Variants in DGKB observed in about 807,000 individuals in gnomAD.
DGKB encodes 90 kDa diacylglycerol kinase.
DGKB carries 67 observed loss-of-function variants against 114.3 expected under a neutral mutation model. The observed-to-expected ratio is 0.59, with a 90% CI of 0.48 to 0.72. DGKB has a LOEUF of 0.72. DGKB is among the 30% of genes least tolerant of loss of function. The pLI, the probability that DGKB is intolerant of heterozygous loss-of-function variation, is 0.00. For missense variants in DGKB, 907 were observed against 975.2 expected, an observed-to-expected ratio of 0.93 and a Z score of 0.93; for synonymous variants, 398 against 323.1, an observed-to-expected ratio of 1.23 and a Z score of -2.49.
intron 23 of DGKB, among the ~76,000 whole-genome samples, chr7:14,226,258 A>AT (rs984681371): frequency 9.9e-5 from 15 of 151,606 alleles, no homozygotes; most frequent in South Asian, 2.1e-4. Flanking sequence ...CTAGTTACTC[A>AT]TTTTTTTTCT....
At chr7:14,266,820 A>G (rs1228982148) in intron 23 of DGKB, among the ~76,000 whole-genome samples, 1 of 152,222 alleles carries the variant, frequency 6.6e-6, no homozygotes, top group Non-Finnish European at 1.5e-5. Flanking sequence ...ATATAACCTT[A>G]TAAGGTGATC....
chr7:14,612,189 A>ATTTTATTTTATTTTATTTTATTTG, intron 16 of DGKB, among the ~76,000 whole-genome samples: 1 of 78,508 alleles, frequency 1.3e-5, no homozygotes, highest in Admixed American at 1.1e-4. Flanking sequence ...TATTTTATTT[A>ATTTTATTTTATTTTATTTTATTTG]TTTGAGACAG....
rs543002088 is a variant in DGKB at position 14,660,514 on chromosome 7, T to C, written c.1134+12415A>G. Among the ~76,000 whole-genome samples the C allele has an allele frequency of 3.9e-5, 6 of 152,228 alleles. No individual in the cohort carries two copies. The East Asian group carries it at 1.2e-3, about 29-fold the overall frequency. ...TTTCTAGTTTATTTGCGTAGAGGTG[T>C]TTGCAGTATTCTCTGATGGTAGTTT... On this transcript the variant is annotated intron_variant, in intron 13 of 25. Transcript: ENST00000402815.
chr7:14,854,415 G>A (rs780753694), intron 1 of DGKB, among the ~76,000 whole-genome samples: 3 of 152,156 alleles, frequency 2.0e-5, no homozygotes, highest in Non-Finnish European at 2.9e-5. Flanking sequence ...GACCGGTTTC[G>A]TGAAAGACAA....
intron 25 of DGKB, among the ~76,000 whole-genome samples, chr7:14,155,437 T>C (rs1283465585): frequency 1.3e-5 from 2 of 152,006 alleles, no homozygotes; most frequent in Non-Finnish European, 2.9e-5. Context: ...CAGGGTACAA[T>C]AAGATTGAAA....
chr7:14,497,662 C>T (rs912248080), intron 20 of DGKB, among the ~76,000 whole-genome samples: 1 of 151,912 alleles, frequency 6.6e-6, no homozygotes, highest in Non-Finnish European at 1.5e-5. Flanking sequence ...AACTTTGCTG[C>T]ATCACCCCAA....
At chr7:14,784,601 T>C (rs1177969971) in intron 2 of DGKB, among the ~76,000 whole-genome samples, 1 of 152,172 alleles carries the variant, frequency 6.6e-6, no homozygotes, top group African/African-American at 2.4e-5. Flanking sequence ...AGTCTCGACC[T>C]CCTGGCCTCA....
intron 5 of DGKB, among the ~76,000 whole-genome samples, chr7:14,725,138 TCTGGGCAACAAA>T (rs778978441): frequency 8.4e-4 from 128 of 152,198 alleles, no homozygotes; most frequent in South Asian, 3.7e-3. Context: ...ACCACTGCAG[TCTGGGCAACAAA>T]CAGAGCAAGA....
At chr7:14,582,424 G>A (rs1800070768) in intron 18 of DGKB, among the ~76,000 whole-genome samples, 1 of 152,258 alleles carries the variant, frequency 6.6e-6, no homozygotes, top group South Asian at 2.1e-4. Context: ...TAAATAGAGA[G>A]GCAATATAGA....
At chr7:14,812,294 C>G (rs1178963225) in intron 2 of DGKB, among the ~76,000 whole-genome samples, 1 of 152,034 alleles carries the variant, frequency 6.6e-6, no homozygotes, top group Non-Finnish European at 1.5e-5. Context: ...ACTTTTATTA[C>G]CTGTCTTTAG....
intron 1 of DGKB, among the ~76,000 whole-genome samples, chr7:14,843,559 C>T (rs1848247011): frequency 6.6e-6 from 1 of 151,628 alleles, no homozygotes; most frequent in Admixed American, 6.6e-5. Context: ...TGGTCTCGAT[C>T]TCCTGACCTC....
At chr7:14,403,977 A>G (rs1823545849) in intron 21 of DGKB, among the ~76,000 whole-genome samples, 1 of 151,926 alleles carries the variant, frequency 6.6e-6, no homozygotes, top group South Asian at 2.1e-4. Context: ...AGGCACCAGA[A>G]TAAAACCTCT....
chr7:14,512,761 A>G lies in DGKB; in HGVS notation c.1771-34536T>C, dbSNP rs75265504. Among the ~76,000 whole-genome samples the G allele has an allele frequency of 5.4e-3, 823 of 152,206 alleles. 5 individuals carry two copies. The highest frequency in any genetic ancestry group is 0.017 in the Middle Eastern group (5 of 294). On this transcript the variant is annotated intron_variant, in intron 20 of 25. Transcript: ENST00000402815. ...TGTCCCTTATATATTATAGAACTCA[A>G]TTATAACACAGCTTATTATTATACA... is the stretch of plus-strand genomic sequence containing the variant.
upstream of DGKB, among the ~76,000 whole-genome samples, chr7:14,907,153 A>G (rs1413298867): frequency 1.3e-5 from 2 of 152,178 alleles, no homozygotes; most frequent in Non-Finnish European, 2.9e-5. Context: ...AAGACATGAT[A>G]TTATTGCACT....
chr7:14,489,831 T>C (rs748128829), intron 20 of DGKB, among the ~76,000 whole-genome samples: 39 of 152,068 alleles, frequency 2.6e-4, no homozygotes, highest in Non-Finnish European at 4.7e-4. Context: ...ATGTTTACTA[T>C]CTACAAGTAG....
chr7:14,746,943 TA>T (rs1833378441), intron 4 of DGKB, among the ~76,000 whole-genome samples: 1 of 126,270 alleles, frequency 7.9e-6, no homozygotes, highest in South Asian at 2.3e-4. Flanking sequence ...TATAAGGCAA[TA>T]ATTCTAAAAA....
intron 13 of DGKB, among the ~76,000 whole-genome samples, chr7:14,647,648 G>A (rs575721221): frequency 1.3e-5 from 2 of 152,124 alleles, no homozygotes; most frequent in South Asian, 4.2e-4. Flanking sequence ...GAGCCAAGAT[G>A]GCCGAATAGT....
intron 21 of DGKB, among the ~76,000 whole-genome samples, chr7:14,398,749 T>C (rs1365404901): frequency 6.6e-6 from 1 of 151,592 alleles, no homozygotes; most frequent in South Asian, 2.1e-4. Flanking sequence ...TGGAGTCATC[T>C]ATGAAGTAAT....
intron 6 of DGKB, among the ~76,000 whole-genome samples, chr7:14,711,675 A>T (rs1203555442): frequency 6.6e-6 from 1 of 152,178 alleles, no homozygotes; most frequent in Non-Finnish European, 1.5e-5. Flanking sequence ...GAAGAAGCAT[A>T]GATTTGCTTA....
Sources: gnomAD v4.1 joint callset for allele counts (sites outside exome capture counted in the v4.1 genomes callset) on GRCh38, gnomAD v4.1.1 for gene constraint, MANE v1.5 for transcripts, NCBI Gene and HGNC (gene_info 2026-07-23, HGNC 2026-07-21) for gene names.